GABRG3: variants seen among roughly 807,000 people sequenced by gnomAD.
GABRG3 encodes the protein gamma-aminobutyric acid receptor subunit gamma-3.
GABRG3 carries 25 observed loss-of-function variants against 48.8 expected under a neutral mutation model. The ratio of observed to expected loss-of-function variants is 0.51; its 90% CI spans 0.37 to 0.72. The LOEUF is 0.72. GABRG3 is among the 30% of genes least tolerant of loss of function. GABRG3 has a pLI of 0.00. For missense variants in GABRG3, 394 were observed against 577.9 expected, an observed-to-expected ratio of 0.68 and a Z score of 3.26; for synonymous variants, 227 against 217.6, an observed-to-expected ratio of 1.04 and a Z score of -0.38.
At chr15:27,298,849 C>G (rs1466162287) in intron 3 of GABRG3, among the ~76,000 whole-genome samples, 1 of 151,970 alleles carries the variant, frequency 6.6e-6, no homozygotes, top group African/African-American at 2.4e-5. Flanking sequence ...CCCCCACCCC[C>G]CAACAGGGGT....
intron 3 of GABRG3, among the ~76,000 whole-genome samples, chr15:27,169,321 G>C (rs930398720): frequency 6.6e-6 from 1 of 152,174 alleles, no homozygotes; most frequent in African/African-American, 2.4e-5. Context: ...CTTGGGAGTG[G>C]AAGAGCACTT....
rs1277077657 is a variant in GABRG3 at position 27,236,657 on chromosome 15, C to T, written c.271-90152C>T. Among the ~76,000 whole-genome samples the T allele has an allele frequency of 3.3e-5, 5 of 152,210 alleles. No individual in the cohort carries two copies. In the South Asian group the frequency reaches 6.2e-4, roughly 19 times the overall value. On this transcript the variant is annotated intron_variant, in intron 3 of 9. Coordinates refer to ENST00000615808, the MANE Select transcript of GABRG3 (RefSeq NM_033223.5). The surrounding 1 kb of genome is among the most constrained non-coding windows in gnomAD (Gnocchi z 4.4). ...TACACCTGTTCCTGATTAGAGACCA[C>T]CAGCCACAGAGTGGCTCTGACCAGC...
intron 3 of GABRG3, among the ~76,000 whole-genome samples, chr15:27,132,980 AT>A (rs34297178): frequency 0.28 from 42,654 of 150,940 alleles, 7,473 homozygotes; most frequent in Non-Finnish European, 0.39. Context: ...CTGTTCTATA[AT>A]TTTTTTTATG....
In GABRG3 at chr15:27,531,037, AC is replaced by A. The variant is rs779682395; in HGVS notation, c.1123-1561del. ...CACCCACTCGGGACAAAGAACATTA[AC>A]CTAGAAGAGATGTGTCCACATTAGG... On this transcript the variant is annotated intron_variant, in intron 9 of 9. Coordinates refer to ENST00000615808, the MANE Select transcript of GABRG3 (RefSeq NM_033223.5). The A allele has an allele frequency of 1.2e-5, 3 of 249,250 alleles. No homozygotes were observed. In the South Asian group the frequency reaches 1.3e-4, roughly 11 times the overall value. The allele number at this position is 249,250 out of a possible 1,614,324, so 15.4% of individuals were successfully genotyped here. A position where few individuals can be genotyped will look rare whatever the true frequency, so the allele number is the denominator to read the frequency against.
At chr15:27,301,582 A>G (rs1892207635) in intron 3 of GABRG3, among the ~76,000 whole-genome samples, 1 of 152,132 alleles carries the variant, frequency 6.6e-6, no homozygotes, top group South Asian at 2.1e-4. Flanking sequence ...TTATATCATT[A>G]TGCTTTATAA....
In GABRG3 at chr15:27,217,714, G is replaced by C. The variant is rs140373618; in HGVS notation, c.271-109095G>C. Among the ~76,000 whole-genome samples the C allele has an allele frequency of 1.3e-3, 205 of 152,354 alleles. 2 individuals carry two copies. Among genetic ancestry groups the C allele is most frequent in the Admixed American group, 0.012 (179 of 15,308 alleles). On this transcript the variant is annotated intron_variant, in intron 3 of 9. Coordinates refer to ENST00000615808, the MANE Select transcript of GABRG3 (RefSeq NM_033223.5). ...ACGATTTGAGTCACTGGCACACACA[G>C]AGGGACGAAGGAAAGCAAAACATTC...
chr15:27,023,316 T>C (rs79676625), intron 2 of GABRG3, among the ~76,000 whole-genome samples: 12,195 of 152,238 alleles, frequency 0.08, 565 homozygotes, highest in East Asian at 0.2. Flanking sequence ...AAAATACACA[T>C]AACATGAAAT....
At chr15:27,294,353 A>T (rs1248179447) in intron 3 of GABRG3, among the ~76,000 whole-genome samples, 1 of 150,716 alleles carries the variant, frequency 6.6e-6, no homozygotes, top group Non-Finnish European at 1.5e-5. Context: ...AGTAGCTGGG[A>T]CCACAGGTGT....
chr15:27,006,866 G>T (rs1479483228), intron 2 of GABRG3, among the ~76,000 whole-genome samples: 1 of 151,644 alleles, frequency 6.6e-6, no homozygotes, highest in East Asian at 1.9e-4. Flanking sequence ...TTGAGACAGG[G>T]TGTTGCTCTG....
chr15:27,325,667 G>A (rs1893589479), intron 3 of GABRG3, among the ~76,000 whole-genome samples: 1 of 152,156 alleles, frequency 6.6e-6, no homozygotes, highest in Non-Finnish European at 1.5e-5. Flanking sequence ...TAGGAGGGAG[G>A]GGGTTTCTTG....
At chr15:27,241,020 C>A (rs1388140591) in intron 3 of GABRG3, among the ~76,000 whole-genome samples, 1 of 152,204 alleles carries the variant, frequency 6.6e-6, no homozygotes, top group Non-Finnish European at 1.5e-5. Context: ...CCATGCCTCC[C>A]TTCCTGCCAC....
chr15:27,197,539 G>A (rs1003293643), intron 3 of GABRG3, among the ~76,000 whole-genome samples: 3 of 151,890 alleles, frequency 2.0e-5, no homozygotes, highest in Non-Finnish European at 2.9e-5. Flanking sequence ...GGAGGCAGCG[G>A]CCTTCAGGGT....
chr15:27,305,226 T>C (rs1278700657), intron 3 of GABRG3, among the ~76,000 whole-genome samples: 2 of 151,694 alleles, frequency 1.3e-5, no homozygotes, highest in Non-Finnish European at 2.9e-5. Flanking sequence ...TTCTATACAG[T>C]AGAACGCAGA....
chr15:27,482,854 C>T (rs1325778385), intron 6 of GABRG3, among the ~76,000 whole-genome samples: 1 of 152,170 alleles, frequency 6.6e-6, no homozygotes, highest in Non-Finnish European at 1.5e-5. Flanking sequence ...AGTCCAGGCC[C>T]TGTGAGGTGG....
At chr15:27,163,551 G>A (rs113523749) in intron 3 of GABRG3, among the ~76,000 whole-genome samples, 1 of 152,110 alleles carries the variant, frequency 6.6e-6, no homozygotes, top group African/African-American at 2.4e-5. Flanking sequence ...GTAATAGGCC[G>A]AGACCAGAAG....
Position 27,180,540 on chromosome 15 carries a change from G to A in GABRG3, c.271-146269G>A, listed in dbSNP as rs750250920. 2.6e-5 allele frequency among the ~76,000 whole-genome samples: 4 copies of A among 151,920 alleles called. No homozygotes were observed. The highest frequency in any genetic ancestry group is 6.6e-5 in the Admixed American group (1 of 15,252). ...AAACCCTGCTCCACGTATACCCTCA[G>A]GTTCAACTCATCGCTCTAACCATGT... On this transcript the variant is annotated intron_variant, in intron 3 of 9. Coordinates refer to ENST00000615808, the MANE Select transcript of GABRG3 (RefSeq NM_033223.5). The surrounding 1 kb of genome is among the most constrained non-coding windows in gnomAD (Gnocchi z 4.2).
chr15:27,076,469 G>T (rs905982655), intron 3 of GABRG3, among the ~76,000 whole-genome samples: 1 of 151,934 alleles, frequency 6.6e-6, no homozygotes, highest in East Asian at 1.9e-4. Flanking sequence ...GACTATAGGC[G>T]TGCAGCACCA....
chr15:26,996,903 C>T (rs1032135993), intron 2 of GABRG3, among the ~76,000 whole-genome samples: 2 of 152,126 alleles, frequency 1.3e-5, no homozygotes, highest in Non-Finnish European at 1.5e-5. Context: ...CAGCCCTCCT[C>T]GGCCTCCCAA....
chr15:27,460,684 AG>A (rs1889421758), intron 5 of GABRG3, among the ~76,000 whole-genome samples: 1 of 152,174 alleles, frequency 6.6e-6, no homozygotes, highest in Non-Finnish European at 1.5e-5. Flanking sequence ...CGGCTAAGGA[AG>A]TGAAACTTTG....
Sources: allele counts gnomAD v4.1 joint callset (sites outside exome capture counted in the v4.1 genomes callset), GRCh38; gene constraint gnomAD v4.1.1; non-coding constraint Gnocchi (gnomAD v3.1); transcripts MANE v1.5; gene names NCBI Gene and HGNC (gene_info 2026-07-23, HGNC 2026-07-21).